Variants in PRKG1 observed in about 807,000 individuals in gnomAD.
PRKG1 encodes the protein cGMP-dependent protein kinase 1.
A neutral mutation model predicts 88.1 loss-of-function variants in PRKG1; 35 were observed. That is an observed-to-expected ratio of 0.40 (90% CI 0.30 to 0.53). PRKG1 has a LOEUF of 0.53. Ranked by LOEUF, PRKG1 falls within the 20% of genes least tolerant of loss-of-function variation. The pLI is 0.59. For synonymous variants in PRKG1, 303 were observed against 292.5 expected, an observed-to-expected ratio of 1.04 and a Z score of -0.37; for missense variants, 540 against 839.8, an observed-to-expected ratio of 0.64 and a Z score of 4.41.
At chr10:51,444,034 G>C (rs187524510) in intron 2 of PRKG1, among the ~76,000 whole-genome samples, 1 of 151,146 alleles carries the variant, frequency 6.6e-6, no homozygotes, top group East Asian at 1.9e-4. Flanking sequence ...AACACAAAGT[G>C]TCTTTAGGGG....
chr10:51,413,844 T>C (rs534889399), intron 2 of PRKG1, among the ~76,000 whole-genome samples: 1 of 152,332 alleles, frequency 6.6e-6, no homozygotes, highest in South Asian at 2.1e-4. Flanking sequence ...TTTTTTTGTT[T>C]CTTTGCTGAG....
chr10:51,326,372 A>AT (rs1270286545), intron 2 of PRKG1, among the ~76,000 whole-genome samples: 1 of 152,226 alleles, frequency 6.6e-6, no homozygotes, highest in African/African-American at 2.4e-5. Flanking sequence ...GGGTCTGGAT[A>AT]TAAGGTCTGG....
chr10:51,062,149 T>C (rs1273730559), intron 1 of PRKG1, among the ~76,000 whole-genome samples: 1 of 152,190 alleles, frequency 6.6e-6, no homozygotes, highest in African/African-American at 2.4e-5. Flanking sequence ...AAACCAATTA[T>C]AGATTGAACA....
intron 4 of PRKG1, among the ~76,000 whole-genome samples, chr10:51,901,817 C>A (rs1841986615): frequency 6.6e-6 from 1 of 152,048 alleles, no homozygotes; most frequent in Non-Finnish European, 1.5e-5. Context: ...AGAAAGATAG[C>A]TTTCATCCTA....
chr10:51,346,712 G>C (rs1283327334), intron 2 of PRKG1, among the ~76,000 whole-genome samples: 1 of 152,192 alleles, frequency 6.6e-6, no homozygotes, highest in Non-Finnish European at 1.5e-5. Context: ...TCCTTCATGA[G>C]TATAACTTCA....
intron 7 of PRKG1, among the ~76,000 whole-genome samples, chr10:52,108,191 T>C (rs1227867732): frequency 6.6e-6 from 1 of 152,228 alleles, no homozygotes; most frequent in African/African-American, 2.4e-5. Flanking sequence ...ATCCCATATA[T>C]GTTCCCACTC....
At chr10:51,866,370 G>T (rs1257720707) in intron 4 of PRKG1, among the ~76,000 whole-genome samples, 2 of 151,996 alleles carry the variant, frequency 1.3e-5, no homozygotes, top group Non-Finnish European at 2.9e-5. Context: ...ATTTAAAGAG[G>T]CATTAGCATT....
intron 9 of PRKG1, 66 bp from the exon 10 acceptor site, chr10:52,251,504 A>G (rs1841167837): frequency 4.2e-6 from 5 of 1,181,784 alleles, no homozygotes; most frequent in Admixed American, 1.7e-5. Flanking sequence ...ATTCTGGTAC[A>G]GATGTACGTG....
At chr10:51,965,486 A>C (rs1452882088) in intron 5 of PRKG1, among the ~76,000 whole-genome samples, 1 of 152,198 alleles carries the variant, frequency 6.6e-6, no homozygotes, top group Non-Finnish European at 1.5e-5. Context: ...ACTTTGAACT[A>C]TCTTGTTTTC....
intron 5 of PRKG1, among the ~76,000 whole-genome samples, chr10:51,964,751 G>A (rs893157391): frequency 1.3e-5 from 2 of 152,072 alleles, no homozygotes; most frequent in Non-Finnish European, 2.9e-5. Context: ...ATTTAAAAAA[G>A]TAAAACAACC....
intron 13 of PRKG1, 139 bp downstream of exon 13, chr10:52,281,069 C>G: frequency 1.0e-6 from 1 of 994,910 alleles, no homozygotes; most frequent in Non-Finnish European, 1.4e-6. Context: ...TAGCATTACA[C>G]TTTTCAACTG....
chr10:51,582,385 C>T (rs10998335), intron 3 of PRKG1, among the ~76,000 whole-genome samples: 10,528 of 152,050 alleles, frequency 0.069, 1,200 homozygotes, highest in African/African-American at 0.24. Flanking sequence ...CATAGGTAAA[C>T]GTGTACCATG....
intron 4 of PRKG1, among the ~76,000 whole-genome samples, chr10:51,812,428 T>A (rs766823781): frequency 5.9e-5 from 9 of 152,158 alleles, no homozygotes; most frequent in Non-Finnish European, 1.0e-4. Context: ...TGGGGAAGAA[T>A]CGGGCCCTTT....
intron 2 of PRKG1, among the ~76,000 whole-genome samples, chr10:51,332,934 A>G (rs1841779123): frequency 6.6e-6 from 1 of 152,194 alleles, no homozygotes; most frequent in Admixed American, 6.5e-5. Flanking sequence ...TGCTAACTAG[A>G]GCAGAGAGTG....
chr10:51,788,465 T>C (rs1838785096), intron 3 of PRKG1, among the ~76,000 whole-genome samples: 1 of 152,182 alleles, frequency 6.6e-6, no homozygotes, highest in Non-Finnish European at 1.5e-5. Flanking sequence ...AGAAGGCTGT[T>C]AGAGAGCTCC....
intron 9 of PRKG1, among the ~76,000 whole-genome samples, chr10:52,182,779 G>A (rs1839075724): frequency 6.6e-6 from 1 of 150,762 alleles, no homozygotes; most frequent in South Asian, 2.1e-4. Flanking sequence ...GCTCTGTTCT[G>A]TTCCATTGAT....
intron 3 of PRKG1, among the ~76,000 whole-genome samples, chr10:51,540,446 A>C (rs2132110252): frequency 6.6e-6 from 1 of 152,338 alleles, no homozygotes; most frequent in East Asian, 1.9e-4. Context: ...TAGTAGTGAC[A>C]ACCAGTGTGT....
At chr10:51,392,531 C>T (rs1437088826) in intron 2 of PRKG1, among the ~76,000 whole-genome samples, 2 of 152,112 alleles carry the variant, frequency 1.3e-5, no homozygotes, top group Non-Finnish European at 2.9e-5. Context: ...ATGTCTACTT[C>T]TTTCTACACA....
At chr10:51,095,402 C>G (rs561225311) in intron 1 of PRKG1, among the ~76,000 whole-genome samples, 1 of 152,264 alleles carries the variant, frequency 6.6e-6, no homozygotes, top group Non-Finnish European at 1.5e-5. Flanking sequence ...GTAATGCACA[C>G]TTAACTCAGG....
Sources: allele counts gnomAD v4.1 joint callset (sites outside exome capture counted in the v4.1 genomes callset), GRCh38; gene constraint gnomAD v4.1.1; transcripts MANE v1.5; gene names NCBI Gene and HGNC (gene_info 2026-07-23, HGNC 2026-07-21).